The following GABRG3 variants were observed in gnomAD, a reference collection of about 807,000 sequenced individuals.
The protein encoded by GABRG3 is gamma-aminobutyric acid type A receptor subunit gamma3.
Under a neutral mutation model 48.8 loss-of-function variants are expected in GABRG3, and 25 were observed. The observed-to-expected ratio is 0.51, with a 90% confidence interval of 0.37 to 0.72. GABRG3 has a LOEUF of 0.72. Ranked by LOEUF, GABRG3 falls within the 30% of genes least tolerant of loss-of-function variation. The pLI is 0.00. For missense variants in GABRG3, 394 were observed against 577.9 expected (o/e 0.68, Z 3.26); for synonymous variants, 227 against 217.6 (o/e 1.04, Z -0.38).
intron 5 of GABRG3, among the ~76,000 whole-genome samples, chr15:27,382,389 G>A (rs768339384): frequency 5.3e-5 from 8 of 152,150 alleles, no homozygotes; most frequent in Non-Finnish European, 1.2e-4. Context: ...ATAGGGCAGT[G>A]ACAGCTAAGT....
chr15:27,460,533 A>T (rs1889417818), intron 5 of GABRG3, among the ~76,000 whole-genome samples: 1 of 152,218 alleles, frequency 6.6e-6, no homozygotes, highest in Non-Finnish European at 1.5e-5. Flanking sequence ...ATTTCAGGGA[A>T]ACAGAAGTTA....
intron 3 of GABRG3, among the ~76,000 whole-genome samples, chr15:27,070,574 G>T (rs1371509452): frequency 1.3e-5 from 2 of 152,212 alleles, no homozygotes; most frequent in South Asian, 4.1e-4. Context: ...TATTTGGTCA[G>T]TTCATATTTT....
chr15:27,192,732 C>T (rs58067397), intron 3 of GABRG3, among the ~76,000 whole-genome samples: 8,740 of 152,224 alleles, frequency 0.057, 402 homozygotes, highest in East Asian at 0.16. Context: ...CGTCATTCTC[C>T]GTCCAGCTTT....
At position 27,003,172 on chromosome 15, in the gene GABRG3, T is replaced by A. The variant is rs993861813; in HGVS notation, c.203-23582T>A. Reference sequence around the variant, plus strand: ...AAATAGTTTTTATTTTTTTATTTTTTATTTTTTTTAATTTTGTATTTTTAT... The same window carrying A: ...AAATAGTTTTTATTTTTTTATTTTTAATTTTTTTTAATTTTGTATTTTTAT... On this transcript the variant is annotated intron_variant, in intron 2 of 9. Coordinates refer to ENST00000615808, the MANE Select transcript of GABRG3 (RefSeq NM_033223.5). Among the ~76,000 whole-genome samples the A allele has an allele frequency of 2.9e-3, 432 of 150,150 alleles. 1 individual carries two copies. Among genetic ancestry groups the A allele is most frequent in the African/African-American group, 0.01 (416 of 41,202 alleles).
intron 5 of GABRG3, among the ~76,000 whole-genome samples, chr15:27,455,323 A>G (rs1254915548): frequency 1.3e-5 from 2 of 151,944 alleles, no homozygotes; most frequent in African/African-American, 4.8e-5. Flanking sequence ...TGTGCTGTGC[A>G]TCTGCGCATT....
At chr15:27,033,188 C>T (rs554794470) in intron 3 of GABRG3, among the ~76,000 whole-genome samples, 1 of 151,784 alleles carries the variant, frequency 6.6e-6, no homozygotes, top group Admixed American at 6.6e-5. Context: ...GTTCTTTATT[C>T]TCTCTGTCCA....
At chr15:27,107,080 C>T (rs1040092166) in intron 3 of GABRG3, among the ~76,000 whole-genome samples, 2 of 152,026 alleles carry the variant, frequency 1.3e-5, no homozygotes, top group African/African-American at 4.8e-5. Flanking sequence ...AAATCATCCT[C>T]GCCATATTCT....
chr15:27,295,796 A>G (rs982182953), intron 3 of GABRG3, among the ~76,000 whole-genome samples: 2 of 152,172 alleles, frequency 1.3e-5, no homozygotes, highest in African/African-American at 2.4e-5. Context: ...TGGAATAGAA[A>G]TAGATGCACC....
chr15:27,528,455 C>T (rs1015568735), intron 9 of GABRG3, among the ~76,000 whole-genome samples: 1 of 152,214 alleles, frequency 6.6e-6, no homozygotes, highest in African/African-American at 2.4e-5. Context: ...GGCTTATCCA[C>T]ATTTTTCACT....
chr15:27,063,808 G>A (rs897325059), intron 3 of GABRG3, among the ~76,000 whole-genome samples: 3 of 152,128 alleles, frequency 2.0e-5, no homozygotes, highest in Non-Finnish European at 2.9e-5. Flanking sequence ...CCCCTGCAGA[G>A]CCCCCCAGGT....
intron 3 of GABRG3, among the ~76,000 whole-genome samples, chr15:27,257,192 G>A (rs1890646960): frequency 6.6e-6 from 1 of 150,748 alleles, no homozygotes; most frequent in Admixed American, 6.6e-5. Context: ...TAATAAACCT[G>A]TTGGCCATTT....
intron 3 of GABRG3, among the ~76,000 whole-genome samples, chr15:27,324,970 G>T (rs1387522062): frequency 8.5e-6 from 1 of 118,218 alleles, no homozygotes; most frequent in Admixed American, 8.1e-5. Context: ...TTAGCAATGG[G>T]TGTGATTATT....
In GABRG3 at chr15:27,024,526, T is replaced by C. The variant is rs187383314; in HGVS notation, c.203-2228T>C. Among the ~76,000 whole-genome samples the C allele has an allele frequency of 9.2e-5, 14 of 152,322 alleles. No individual in the cohort carries two copies. In the East Asian group the frequency reaches 2.5e-3, roughly 27 times the overall value. Reference sequence around the variant, plus strand: ...AACTTCATTCTTTTGCCTGTGGATATCCAGTTTTCCTAGCACTGTTGGTTG... The same window carrying C: ...AACTTCATTCTTTTGCCTGTGGATACCCAGTTTTCCTAGCACTGTTGGTTG... On this transcript the variant is annotated intron_variant, in intron 2 of 9. Coordinates refer to ENST00000615808, the MANE Select transcript of GABRG3 (RefSeq NM_033223.5).
intron 3 of GABRG3, among the ~76,000 whole-genome samples, chr15:27,109,753 G>A (rs1215653661): frequency 6.6e-6 from 1 of 152,160 alleles, no homozygotes; most frequent in East Asian, 1.9e-4. Flanking sequence ...GTGGTGGCAC[G>A]TGTCTGTGGT....
chr15:27,303,697 A>T (rs1367545718), intron 3 of GABRG3, among the ~76,000 whole-genome samples: 1 of 151,516 alleles, frequency 6.6e-6, no homozygotes, highest in African/African-American at 2.4e-5. Context: ...GGATGTGTAT[A>T]TATATATATC....
At chr15:27,140,658 A>G (rs1011102166) in intron 3 of GABRG3, among the ~76,000 whole-genome samples, 4 of 151,918 alleles carry the variant, frequency 2.6e-5, no homozygotes, top group Admixed American at 6.6e-5. Flanking sequence ...CTTTAATAAT[A>G]TTTCTTATTA....
At chr15:27,492,336 T>C (rs762928357) in intron 6 of GABRG3, among the ~76,000 whole-genome samples, 18 of 152,190 alleles carry the variant, frequency 1.2e-4, no homozygotes, top group African/African-American at 2.7e-4. Flanking sequence ...ATAAAAAGCA[T>C]GCTTTGGTCT....
At position 27,211,027 on chromosome 15, in the gene GABRG3, T is replaced by A. The variant is rs149851030; in HGVS notation, c.271-115782T>A. 9.8e-5 allele frequency among the ~76,000 whole-genome samples: 15 copies of A among 152,304 alleles called. No individual in the cohort carries two copies. The East Asian group carries it at 2.9e-3, about 29-fold the overall frequency. ...GAAATATCAGAATTATCAGAGCATG[T>A]CTTAGCCTGTAAGGGAGTAGATTTT... On this transcript the variant is annotated intron_variant, in intron 3 of 9. Transcript: ENST00000615808.
intron 6 of GABRG3, among the ~76,000 whole-genome samples, chr15:27,512,374 T>A (rs913210847): frequency 5.3e-5 from 8 of 152,120 alleles, no homozygotes; most frequent in Admixed American, 5.2e-4. Flanking sequence ...AAAGGCTGAC[T>A]GTGAGGTTGA....
Sources: gnomAD v4.1 joint callset for allele counts (sites outside exome capture counted in the v4.1 genomes callset) on GRCh38, gnomAD v4.1.1 for gene constraint, MANE v1.5 for transcripts, NCBI Gene and HGNC (gene_info 2026-07-23, HGNC 2026-07-21) for gene names.